The following GOLGA4 variants were observed in gnomAD, a reference collection of about 807,000 sequenced individuals.
GOLGA4 encodes golgin A4, also known as golgin subfamily A member 4.
Under a neutral mutation model 265.9 loss-of-function variants are expected in GOLGA4, and 169 were observed. That is an observed-to-expected ratio of 0.64 (90% CI 0.56 to 0.72). GOLGA4 has a LOEUF of 0.72. GOLGA4 is among the 30% of genes least tolerant of loss of function. The pLI is 0.00. For missense variants in GOLGA4, 2,482 were observed against 2,483.4 expected, an observed-to-expected ratio of 1.00 and a Z score of 0.01; for synonymous variants, 923 against 855.8, an observed-to-expected ratio of 1.08 and a Z score of -1.37.
At chr3:37,294,422 A>G (rs981575259) in intron 5 of GOLGA4, among the ~76,000 whole-genome samples, 2 of 138,188 alleles carry the variant, frequency 1.4e-5, no homozygotes, top group Non-Finnish European at 3.1e-5. Flanking sequence ...GCCTCACTCT[A>G]TTACCCAGGC....
In GOLGA4 at chr3:37,327,609, C is replaced by T; in HGVS notation, c.5723C>T (p.Ser1908Phe). The change falls in exon 14 of 24, where the codon TCC (serine) becomes TTC (phenylalanine). Residue 1908 changes from serine (S) to phenylalanine (F), a missense_variant. This residue lies in a region of GOLGA4 where 942 missense variants were observed against 983.1 expected (regional missense o/e 0.96). Coordinates refer to ENST00000361924, the MANE Select transcript of GOLGA4 (RefSeq NM_002078.5). Reference sequence around the variant, plus strand: ...TTGGAAGAAAACACTGAAGAAAAGTCCAAATCACATTTGGTCCAACCCAAA... The same window carrying T: ...TTGGAAGAAAACACTGAAGAAAAGTTCAAATCACATTTGGTCCAACCCAAA... ...ELLEENTEEK[S>F]KSHLVQPKLL... 6.2e-7 allele frequency: 1 copy of T among 1,613,632 alleles called. No individual in the cohort carries two copies. Among genetic ancestry groups the T allele is most frequent in the African/African-American group, 1.3e-5 (1 of 74,996 alleles).
chr3:37,255,620 G>A (rs1016814109), intron 2 of GOLGA4, among the ~76,000 whole-genome samples: 1 of 152,014 alleles, frequency 6.6e-6, no homozygotes, highest in Admixed American at 6.6e-5. Context: ...AATGAAATCA[G>A]GAAATTAACT....
chr3:37,324,250 G>T lies in GOLGA4; in HGVS notation c.2364G>T (p.Arg788Ser). The T allele has an allele frequency of 6.2e-7, 1 of 1,614,156 alleles. No individual in the cohort carries two copies. The highest frequency in any genetic ancestry group is 8.5e-7 in the Non-Finnish European group (1 of 1,179,996). Reference protein sequence around the residue: ...HVENLEADIKRSEGELQQASA... With the variant: ...HVENLEADIKSSEGELQQASA... ...AAAATTTAGAGGCAGATATTAAAAG[G>T]TCTGAAGGGGAACTCCAGCAGGCAT... Residue 788 changes from arginine (R) to serine (S), a missense_variant, in exon 14 of 24, where the codon AGG (arginine) becomes AGT (serine). By Grantham distance (110) the Arg-to-Ser change is moderately radical (BLOSUM62 -1). Coordinates refer to ENST00000361924, the MANE Select transcript of GOLGA4 (RefSeq NM_002078.5).
At chr3:37,244,900 A>C (rs1362179377) in intron 1 of GOLGA4, among the ~76,000 whole-genome samples, 1 of 152,244 alleles carries the variant, frequency 6.6e-6, no homozygotes, top group African/African-American at 2.4e-5. Context: ...AAACAAAGAT[A>C]AACTTTAAAA....
intron 2 of GOLGA4, among the ~76,000 whole-genome samples, chr3:37,273,305 A>C (rs2096803852): frequency 2.6e-5 from 4 of 152,168 alleles, no homozygotes; most frequent in Admixed American, 2.6e-4. Context: ...TCTACATACT[A>C]ATCTTTGCTA....
At position 37,305,773 on chromosome 3, in the gene GOLGA4, A is replaced by G. The variant is rs553055852; in HGVS notation, c.1234+3441A>G. Reference sequence around the variant, plus strand: ...TCTAGAAAATAAACTCTCCAAATGCATTTTCAACTGTGAAGAAATTTAATT... The same window carrying G: ...TCTAGAAAATAAACTCTCCAAATGCGTTTTCAACTGTGAAGAAATTTAATT... On this transcript the variant is annotated intron_variant, in intron 10 of 23. Transcript: ENST00000361924. Among the ~76,000 whole-genome samples the G allele has an allele frequency of 4.6e-5, 7 of 152,302 alleles. No individual in the cohort carries two copies. The East Asian group carries it at 1.2e-3, about 25-fold the overall frequency.
chr3:37,252,375 T>G lies in GOLGA4; in HGVS notation c.162+891T>G, dbSNP rs572294920. Among the ~76,000 whole-genome samples the G allele has an allele frequency of 6.3e-4, 95 of 151,672 alleles. 1 individual carries two copies. The highest frequency in any genetic ancestry group is 3.4e-3 in the Middle Eastern group (1 of 294). ...TAAATATGCTTTCTAAATGTAAACA[T>G]TGTAGTTAAACATTTGGGTTGTCTA... On this transcript the variant is annotated intron_variant, in intron 2 of 23. Coordinates refer to ENST00000361924, the MANE Select transcript of GOLGA4 (RefSeq NM_002078.5).
chr3:37,275,883 C>G (rs1028769997), intron 2 of GOLGA4: 3 of 1,613,768 alleles, frequency 1.9e-6, no homozygotes, highest in South Asian at 1.1e-5. Context: ...GAAGTTACAT[C>G]TTTGGCAAAG....
At chr3:37,283,209 T>C (rs977513506) in intron 3 of GOLGA4, among the ~76,000 whole-genome samples, 1 of 152,222 alleles carries the variant, frequency 6.6e-6, no homozygotes, top group Non-Finnish European at 1.5e-5. Flanking sequence ...AGATAAGATA[T>C]CTTTTTAAAC....
At chr3:37,361,210 C>T (rs1313526454) in intron 22 of GOLGA4, 33 bp from the exon 23 acceptor site, 1 of 1,529,560 alleles carries the variant, frequency 6.5e-7, no homozygotes, top group African/African-American at 1.4e-5. Context: ...TTAAAACTAA[C>T]CCAATAAGCT....
intron 10 of GOLGA4, among the ~76,000 whole-genome samples, chr3:37,313,157 C>G (rs183207022): frequency 3.2e-4 from 49 of 151,958 alleles, no homozygotes; most frequent in Middle Eastern, 3.4e-3. Flanking sequence ...GAGGGGAGAT[C>G]GCGCCACTGC....
chr3:37,360,747 A>G (rs997374018), intron 22 of GOLGA4, among the ~76,000 whole-genome samples: 2 of 152,178 alleles, frequency 1.3e-5, no homozygotes, highest in African/African-American at 4.8e-5. Flanking sequence ...TACATTGTTG[A>G]ATTACAAGAG....
intron 16 of GOLGA4, among the ~76,000 whole-genome samples, chr3:37,330,213 TTTG>T (rs1285975015): frequency 6.6e-6 from 1 of 152,166 alleles, no homozygotes; most frequent in Non-Finnish European, 1.5e-5. Context: ...TTTTTCTGTT[TTTG>T]TTTTTCAGAA....
chr3:37,294,018 T>C (rs1001189932), intron 5 of GOLGA4, among the ~76,000 whole-genome samples: 2 of 152,194 alleles, frequency 1.3e-5, no homozygotes, highest in East Asian at 1.9e-4. Flanking sequence ...TATAATCTTA[T>C]GAAACCACCG....
chr3:37,332,228 C>CTG (rs1490325281), intron 16 of GOLGA4, among the ~76,000 whole-genome samples: 1 of 152,234 alleles, frequency 6.6e-6, no homozygotes, highest in Non-Finnish European at 1.5e-5. Context: ...TTGTTCTTCA[C>CTG]TGTGTGTTTC....
intron 2 of GOLGA4, among the ~76,000 whole-genome samples, chr3:37,279,444 C>A (rs573145871): frequency 6.6e-6 from 1 of 152,228 alleles, no homozygotes; most frequent in Non-Finnish European, 1.5e-5. Context: ...TTCTCTCATG[C>A]GAGCATGCCC....
intron 8 of GOLGA4, 85 bp from the exon 9 acceptor site, chr3:37,299,203 G>A (rs1158318414): frequency 1.1e-5 from 11 of 986,076 alleles, no homozygotes; most frequent in Non-Finnish European, 7.9e-6. Context: ...ACTGTAACAT[G>A]TATATAAATT....
intron 2 of GOLGA4, among the ~76,000 whole-genome samples, chr3:37,252,192 G>A (rs1176886490): frequency 2.6e-5 from 4 of 151,930 alleles, no homozygotes; most frequent in Non-Finnish European, 4.4e-5. Flanking sequence ...ATAAATGCAC[G>A]GGTCAGCAAA....
intron 20 of GOLGA4, among the ~76,000 whole-genome samples, chr3:37,340,424 T>C (rs2097029578): frequency 6.6e-6 from 1 of 152,228 alleles, no homozygotes; most frequent in Non-Finnish European, 1.5e-5. Context: ...TTACCTGACA[T>C]ACTACCTTTT....
Sources: gnomAD v4.1 joint callset for allele counts (sites outside exome capture counted in the v4.1 genomes callset) on GRCh38, gnomAD v4.1.1 for gene constraint, gnomAD v4.1.1 regional missense constraint, MANE v1.5 for transcripts, NCBI Gene and HGNC (gene_info 2026-07-23, HGNC 2026-07-21) for gene names.